Variants in TGM7 observed in about 807,000 individuals in gnomAD.
TGM7 encodes protein-glutamine gamma-glutamyltransferase Z.
In TGM7, 74 loss-of-function variants were observed where a neutral mutation model predicts 79.5. The observed-to-expected ratio is 0.93, with a 90% confidence interval of 0.77 to 1.13. The LOEUF (loss-of-function observed/expected upper bound fraction) is 1.13. Ranked by LOEUF, TGM7 falls within the 50% of genes most tolerant of loss-of-function variation. TGM7 has a pLI of 0.00. For synonymous variants in TGM7, 354 were observed against 362.5 expected (o/e 0.98, Z 0.27); for missense variants, 912 against 905.9 (o/e 1.01, Z -0.09).
At chr15:43,299,944 A>G (rs2043017983) in intron 1 of TGM7, among the ~76,000 whole-genome samples, 1 of 152,188 alleles carries the variant, frequency 6.6e-6, no homozygotes, top group Non-Finnish European at 1.5e-5. Flanking sequence ...TCCTTAGCCA[A>G]GCATTCCAAG....
At chr15:43,277,076 C>G in intron 11 of TGM7, 81 bp from the exon 12 acceptor site, 1 of 1,546,448 alleles carries the variant, frequency 6.5e-7, no homozygotes, top group Non-Finnish European at 8.7e-7. Flanking sequence ...ACCCCCAGGT[C>G]CCTGGCGACC....
At chr15:43,282,784 C>T (rs540866032) in intron 7 of TGM7, among the ~76,000 whole-genome samples, 164 bp from the exon 8 acceptor site, 1 of 152,298 alleles carries the variant, frequency 6.6e-6, no homozygotes, top group African/African-American at 2.4e-5. Flanking sequence ...GGCGCGGTGA[C>T]TCACGCCTGT....
chr15:43,289,534 G>T (rs1454535494), intron 4 of TGM7, among the ~76,000 whole-genome samples: 1 of 152,174 alleles, frequency 6.6e-6, no homozygotes, highest in East Asian at 1.9e-4. Context: ...ACGTGTGCAT[G>T]TGTCTTTATA....
At chr15:43,281,464 A>T (rs1039388324) in intron 9 of TGM7, among the ~76,000 whole-genome samples, 2 of 152,218 alleles carry the variant, frequency 1.3e-5, no homozygotes, top group African/African-American at 4.8e-5. Context: ...ACAACAAATT[A>T]TTTTTAGTAT....
chr15:43,282,207 C>A, intron 8 of TGM7, 121 bp from the exon 9 acceptor site: 1 of 1,404,904 alleles, frequency 7.1e-7, no homozygotes, highest in Non-Finnish European at 9.6e-7. Flanking sequence ...TTCCAGTTTA[C>A]CAAGCACTTT....
chr15:43,301,501 G>A lies in TGM7; in HGVS notation c.10+740C>T, dbSNP rs1051211733. Among the ~76,000 whole-genome samples, 99 of 151,454 alleles carry A rather than the reference G, an allele frequency of 6.5e-4. 6 individuals carry two copies. The highest frequency in any genetic ancestry group is 1.5e-5 in the Non-Finnish European group (1 of 67,880). On this transcript the variant is annotated intron_variant, in intron 1 of 12. Transcript: ENST00000452443. ...AAAAATTAGCCGTGTATGGTGGCAG[G>A]CACCTGTAATCCCAGCTACTCAGGA...
chr15:43,287,786 G>A (rs1316256804), intron 4 of TGM7, 117 bp from the exon 5 acceptor site: 9 of 1,211,788 alleles, frequency 7.4e-6, no homozygotes, highest in South Asian at 3.1e-5. Flanking sequence ...GGGGCAGGGG[G>A]AGGGCGCTAA....
intron 1 of TGM7, 196 bp downstream of exon 1, chr15:43,302,045 C>A: frequency 1.6e-6 from 1 of 641,500 alleles, no homozygotes. Flanking sequence ...GAAAAGAAAA[C>A]GAATGGCTGT....
chr15:43,293,377 CCCCGCAGGCAGA>C lies in TGM7; in HGVS notation c.193+60_193+71del, dbSNP rs534299649. The C allele has an allele frequency of 2.0e-6, 3 of 1,502,506 alleles. No homozygotes were observed. The African/African-American group carries it at 4.2e-5, about 21-fold the overall frequency. 93.1% of individuals were successfully genotyped at this position (1,502,506 alleles called of 1,614,324 possible). A position where few individuals can be genotyped will look rare whatever the true frequency, so the allele number is the denominator to read the frequency against. On this transcript the variant is annotated intron_variant, in intron 2 of 12. Transcript: ENST00000452443. ...GCAGCTCAGGTGGGAAAGGCAGGGGCCCCGCAGGCAGACTCTGTAAATGCCCTCATTTTGACG... is the reference window on the plus strand; with the variant it reads ...GCAGCTCAGGTGGGAAAGGCAGGGGCCTCTGTAAATGCCCTCATTTTGACG...
Position 43,279,617 on chromosome 15 carries a change from A to G in TGM7, c.1678+8T>C, listed in dbSNP as rs200078107. The G allele has an allele frequency of 4.5e-5, 70 of 1,567,810 alleles. 1 individual carries two copies. The Admixed American group carries it at 1.2e-3, about 28-fold the overall frequency. On this transcript the variant is annotated splice_region_variant and intron_variant, in intron 10 of 12. Transcript: ENST00000452443. Reference sequence around the variant, plus strand: ...GTAGGTGCCTTCTCAGGCCTGCCTCACACTCACCCTTCCCAAAGTCCAGGT... The same window carrying G: ...GTAGGTGCCTTCTCAGGCCTGCCTCGCACTCACCCTTCCCAAAGTCCAGGT...
In TGM7 at chr15:43,284,903, G is replaced by C; in HGVS notation, c.915C>G (p.Ser305=). ...VPTRVVSNFR[S]AHNVDRNLTI... is the part of the protein sequence containing the mutation. ...TCAAGTTCCTATCCACGTTGTGCGC[G>C]GAACGGAAATTGGAAACAACACGGG... is the stretch of plus-strand genomic sequence containing the variant. The change falls in exon 7 of 13, where the codon TCC becomes TCG. Residue 305 remains serine, a synonymous_variant. Coordinates refer to ENST00000452443, the MANE Select transcript of TGM7 (RefSeq NM_052955.3). 1 of 1,614,108 alleles carries C rather than the reference G, an allele frequency of 6.2e-7. No homozygotes were observed. The highest frequency in any genetic ancestry group is 8.5e-7 in the Non-Finnish European group (1 of 1,180,012).
chr15:43,278,060 G>A (rs1044979717), intron 11 of TGM7, among the ~76,000 whole-genome samples: 10 of 152,272 alleles, frequency 6.6e-5, no homozygotes, highest in African/African-American at 2.4e-4. Context: ...CCAGCACAGA[G>A]GCTGCCTGGT....
At chr15:43,284,251 G>A (rs2042923753) in intron 7 of TGM7, among the ~76,000 whole-genome samples, 1 of 152,082 alleles carries the variant, frequency 6.6e-6, no homozygotes, top group Admixed American at 6.6e-5. Flanking sequence ...GCTGGAAAAA[G>A]AGAAACAGGA....
Position 43,292,771 on chromosome 15 carries a change from TGG to T in TGM7, c.375_376del (p.Gln126ArgfsTer16). Reference sequence around the variant, plus strand: ...CAGCGGGTAAGTCACACTGTGACCTTGGCCCTGAGAGATCTCTATTTTCAGAG... The same window carrying T: ...CAGCGGGTAAGTCACACTGTGACCTTCCCTGAGAGATCTCTATTTTCAGAG... On this transcript the variant is annotated frameshift_variant, in exon 3 of 13. Coordinates refer to ENST00000452443, the MANE Select transcript of TGM7 (RefSeq NM_052955.3). LOFTEE classifies it high-confidence loss of function. 3 of 1,614,202 alleles carry T rather than the reference TGG, an allele frequency of 1.9e-6. No individual in the cohort carries two copies. Among genetic ancestry groups the T allele is most frequent in the Non-Finnish European group, 2.5e-6 (3 of 1,180,042 alleles).
At chr15:43,288,422 T>C (rs1360801556) in intron 4 of TGM7, among the ~76,000 whole-genome samples, 1 of 151,780 alleles carries the variant, frequency 6.6e-6, no homozygotes, top group Non-Finnish European at 1.5e-5. Context: ...GGGTTGAGAG[T>C]GGAAACGTTG....
chr15:43,281,713 G>C (rs1178291006), intron 9 of TGM7, 131 bp downstream of exon 9: 1 of 1,374,810 alleles, frequency 7.3e-7, no homozygotes, highest in African/African-American at 1.4e-5. Flanking sequence ...TGGGATCCAG[G>C]AAGGACCCCT....
intron 1 of TGM7, among the ~76,000 whole-genome samples, chr15:43,297,602 AAAG>A (rs2043004820): frequency 6.7e-6 from 1 of 148,566 alleles, no homozygotes; most frequent in African/African-American, 2.5e-5. Flanking sequence ...AGAAAGAAAG[AAAG>A]AAAGAAAGAA....
chr15:43,278,360 G>T (rs1566842048), intron 11 of TGM7, among the ~76,000 whole-genome samples: 1 of 152,224 alleles, frequency 6.6e-6, no homozygotes, highest in Non-Finnish European at 1.5e-5. Context: ...TTCCTTCTTT[G>T]TGTAATGGCC....
intron 6 of TGM7, among the ~76,000 whole-genome samples, chr15:43,286,562 T>C (rs2042936576): frequency 6.6e-6 from 1 of 152,186 alleles, no homozygotes; most frequent in Non-Finnish European, 1.5e-5. Context: ...TCTGCCCTTG[T>C]CTTTGGCACC....
Sources: allele counts gnomAD v4.1 joint callset (sites outside exome capture counted in the v4.1 genomes callset), GRCh38; gene constraint gnomAD v4.1.1; transcripts MANE v1.5; gene names NCBI Gene and HGNC (gene_info 2026-07-23, HGNC 2026-07-21).